The following EYS variants were observed in gnomAD, a reference collection of about 807,000 sequenced individuals.
EYS encodes the protein protein eyes shut homolog.
EYS carries 250 observed loss-of-function variants against 282.1 expected under a neutral mutation model. That is an observed-to-expected ratio of 0.89 (90% CI 0.80 to 0.98). The LOEUF (loss-of-function observed/expected upper bound fraction) is 0.98. Among genes scored for constraint, EYS ranks in the 50% least tolerant of loss-of-function variants. The pLI, the probability that EYS is intolerant of heterozygous loss-of-function variation, is 0.00. For synonymous variants in EYS, 1,355 were observed against 1,282.9 expected (o/e 1.06, Z -1.20); for missense variants, 4,016 against 3,709.0 (o/e 1.08, Z -2.15).
At chr6:63,837,721 CT>C (rs1231683573) in intron 36 of EYS, among the ~76,000 whole-genome samples, 3 of 152,048 alleles carry the variant, frequency 2.0e-5, no homozygotes, top group Non-Finnish European at 4.4e-5. Flanking sequence ...CTATTGGACT[CT>C]GTTATTATTT....
chr6:63,942,876 A>G (rs966058732), intron 35 of EYS, among the ~76,000 whole-genome samples: 11 of 152,158 alleles, frequency 7.2e-5, no homozygotes, highest in Non-Finnish European at 1.3e-4. Flanking sequence ...AGCCTACTCA[A>G]TGTGAAGACA....
chr6:64,898,945 A>C (rs1462466178), intron 18 of EYS, among the ~76,000 whole-genome samples: 1 of 151,468 alleles, frequency 6.6e-6, no homozygotes, highest in Non-Finnish European at 1.5e-5. Flanking sequence ...AGGAGCACCC[A>C]GATTAATAAA....
chr6:65,341,736 A>G (rs1296678727), intron 10 of EYS, among the ~76,000 whole-genome samples: 4 of 151,364 alleles, frequency 2.6e-5, no homozygotes, highest in East Asian at 3.9e-4. Flanking sequence ...AGCATCTCCA[A>G]TGCTGTGCAG....
At chr6:64,812,174 T>C (rs887084891) in intron 22 of EYS, among the ~76,000 whole-genome samples, 2 of 151,714 alleles carry the variant, frequency 1.3e-5, no homozygotes, top group Non-Finnish European at 2.9e-5. Context: ...ATTTTATCAA[T>C]CTACAAAAGT....
At chr6:64,410,280 T>C (rs1230694428) in intron 28 of EYS, among the ~76,000 whole-genome samples, 1 of 152,150 alleles carries the variant, frequency 6.6e-6, no homozygotes, top group African/African-American at 2.4e-5. Flanking sequence ...TAAAATCTGA[T>C]TTATTATATT....
intron 22 of EYS, among the ~76,000 whole-genome samples, chr6:64,694,373 T>C (rs377443929): frequency 6.6e-6 from 1 of 152,166 alleles, no homozygotes; most frequent in Non-Finnish European, 1.5e-5. Flanking sequence ...AAATTCTCAA[T>C]GCATAAGAAG....
chr6:64,154,124 G>A (rs1774834584), intron 31 of EYS, among the ~76,000 whole-genome samples: 1 of 152,118 alleles, frequency 6.6e-6, no homozygotes, highest in Non-Finnish European at 1.5e-5. Context: ...GCATAGTGAT[G>A]GGTACCTCCA....
intron 12 of EYS, among the ~76,000 whole-genome samples, chr6:65,146,517 A>G (rs1208933061): frequency 2.0e-5 from 3 of 152,002 alleles, no homozygotes; most frequent in African/African-American, 7.2e-5. Context: ...ACCAGGGATG[A>G]TGGTAAATTC....
rs146703669 is a variant in EYS at position 64,025,994 on chromosome 6, G to A, written c.6726-26811C>T. Among the ~76,000 whole-genome samples, 1,085 of 152,314 alleles carry A rather than the reference G, an allele frequency of 7.1e-3. 16 individuals are homozygous for A. The highest frequency in any genetic ancestry group is 0.024 in the African/African-American group (993 of 41,578). On this transcript the variant is annotated intron_variant, in intron 33 of 42. Transcript: ENST00000503581. ...TGTGGTCTAGGGGACAGGCAAGGGTGCAGGTTTTTTAGAATGCCTCAGTAG... is the reference window on the plus strand; with the variant it reads ...TGTGGTCTAGGGGACAGGCAAGGGTACAGGTTTTTTAGAATGCCTCAGTAG...
intron 31 of EYS, among the ~76,000 whole-genome samples, chr6:64,113,179 T>C (rs1773263611): frequency 6.6e-6 from 1 of 152,110 alleles, no homozygotes; most frequent in South Asian, 2.1e-4. Flanking sequence ...ATAATTAGAG[T>C]TATACTAAGT....
chr6:65,050,408 T>C (rs1561940699), intron 13 of EYS, among the ~76,000 whole-genome samples: 1 of 151,664 alleles, frequency 6.6e-6, no homozygotes, highest in East Asian at 1.9e-4. Flanking sequence ...AATCGTTTAT[T>C]TTTTTTCTAT....
chr6:65,295,695 T>A (rs1768640824), intron 12 of EYS, 168 bp downstream of exon 12: 2 of 624,762 alleles, frequency 3.2e-6, no homozygotes, highest in Non-Finnish European at 5.3e-6. Context: ...AAAGAAGCAA[T>A]CCTATTATTC....
At chr6:64,114,164 A>T (rs1773300870) in intron 31 of EYS, among the ~76,000 whole-genome samples, 1 of 152,214 alleles carries the variant, frequency 6.6e-6, no homozygotes, top group Non-Finnish European at 1.5e-5. Context: ...CTAGATTTGA[A>T]AAAACATTGA....
rs73766822 is a variant in EYS at position 65,169,113 on chromosome 6, G to A, written c.2024-111386C>T. Among the ~76,000 whole-genome samples, 724 of 151,498 alleles carry A rather than the reference G, an allele frequency of 4.8e-3. 7 individuals carry two copies. The highest frequency in any genetic ancestry group is 0.017 in the African/African-American group (687 of 41,424). ...TGTATTGTTATGTGACTGAGTCCAAGAAGAAAGGTTTTTGGGATAATTCAT... is the reference window on the plus strand; with the variant it reads ...TGTATTGTTATGTGACTGAGTCCAAAAAGAAAGGTTTTTGGGATAATTCAT... On this transcript the variant is annotated intron_variant, in intron 12 of 42. Coordinates refer to ENST00000503581, the MANE Select transcript of EYS (RefSeq NM_001142800.2).
rs936770967 is a variant in EYS at position 63,883,697 on chromosome 6, T to A, written c.7056-19339A>T. Among the ~76,000 whole-genome samples, 4 of 152,226 alleles carry A rather than the reference T, an allele frequency of 2.6e-5. No homozygotes were observed. In the East Asian group the frequency reaches 5.8e-4, roughly 22 times the overall value. On this transcript the variant is annotated intron_variant, in intron 35 of 42. Coordinates refer to ENST00000503581, the MANE Select transcript of EYS (RefSeq NM_001142800.2). ...CCAATAAATTGCTTGTAACTAAACCTGTGGTATAACCTCTGCTTTTGGGGG... is the reference window on the plus strand; with the variant it reads ...CCAATAAATTGCTTGTAACTAAACCAGTGGTATAACCTCTGCTTTTGGGGG...
intron 22 of EYS, among the ~76,000 whole-genome samples, chr6:64,746,847 A>G (rs1772572901): frequency 6.6e-6 from 1 of 152,238 alleles, no homozygotes; most frequent in Non-Finnish European, 1.5e-5. Flanking sequence ...TCATAAATAT[A>G]CATGCAATTT....
chr6:65,115,262 A>G (rs989291382), intron 12 of EYS, among the ~76,000 whole-genome samples: 2 of 152,092 alleles, frequency 1.3e-5, no homozygotes, highest in Non-Finnish European at 2.9e-5. Context: ...TATACAAAGT[A>G]TCATAATATA....
chr6:64,587,463 A>G (rs1173940718), intron 26 of EYS, among the ~76,000 whole-genome samples: 1 of 152,100 alleles, frequency 6.6e-6, no homozygotes, highest in African/African-American at 2.4e-5. Context: ...GTAGAACATT[A>G]GACTATGGCC....
In EYS at chr6:64,755,076, A is replaced by G. The variant is rs1772889661; in HGVS notation, c.3443+58302T>C. Among the ~76,000 whole-genome samples, 6 of 152,326 alleles carry G rather than the reference A, an allele frequency of 3.9e-5. No individual in the cohort carries two copies. In the South Asian group the frequency reaches 1.2e-3, roughly 32 times the overall value. On this transcript the variant is annotated intron_variant, in intron 22 of 42. Transcript: ENST00000503581. ...ACTCCCGAAGACTCCTAGATTTGAT[A>G]AATGATATCAGTAAAGTTTCAGGAT...
Sources: allele counts gnomAD v4.1 joint callset (sites outside exome capture counted in the v4.1 genomes callset), GRCh38; gene constraint gnomAD v4.1.1; transcripts MANE v1.5; gene names NCBI Gene and HGNC (gene_info 2026-07-23, HGNC 2026-07-21).